The following RBP3 variants were observed in gnomAD, a reference collection of about 807,000 sequenced individuals.
RBP3 encodes retinol binding protein 3, also known as retinol-binding protein 3.
A neutral mutation model predicts 64.8 loss-of-function variants in RBP3; 50 were observed. The observed-to-expected ratio is 0.77, with a 90% CI of 0.61 to 0.98. The LOEUF is 0.98. Among genes scored for constraint, RBP3 ranks in the 50% least tolerant of loss-of-function variants. The pLI is 0.00. For missense variants in RBP3, 1,712 were observed against 1,660.5 expected (o/e 1.03, Z -0.54); for synonymous variants, 828 against 730.2 (o/e 1.13, Z -2.16).
In RBP3 at chr10:47,350,077, C is replaced by G; in HGVS notation, c.1593C>G (p.Tyr531Ter). Reference sequence around the variant, plus strand: ...ACATGGAGCTCCCGGGCCCACGCTACAGCACCCAACGTGGGGTGTATCTGC... The same window carrying G: ...ACATGGAGCTCCCGGGCCCACGCTAGAGCACCCAACGTGGGGTGTATCTGC... ...FSHMELPGPRYSTQRGVYLLT... is the reference protein window; with the variant it reads ...FSHMELPGPR Residue 531 changes from tyrosine (Y) to a stop codon, truncating the protein, a stop_gained, in exon 1 of 4, where the codon TAC (tyrosine) becomes TAG (stop). Transcript: ENST00000584701. LOFTEE classifies it high-confidence loss of function. The G allele has an allele frequency of 6.2e-7, 1 of 1,613,062 alleles. No homozygotes were observed. The highest frequency in any genetic ancestry group is 8.5e-7 in the Non-Finnish European group (1 of 1,180,000).
chr10:47,349,504 C>T lies in RBP3; in HGVS notation c.1020C>T (p.Tyr340=). 6.2e-7 allele frequency: 1 copy of T among 1,613,024 alleles called. No homozygotes were observed. The highest frequency in any genetic ancestry group is 8.5e-7 in the Non-Finnish European group (1 of 1,180,032). The change falls in exon 1 of 4, where the codon TAC becomes TAT. Residue 340 remains tyrosine (Y), a synonymous_variant. Transcript: ENST00000584701. ...GCCTCCAGGAGGTCCTGAAGGACTA[C>T]TACACGCTGGTGGACCGTGTGCCCA... ...VHCLQEVLKD[Y]YTLVDRVPTL... is the part of the protein sequence containing the mutation.
In RBP3 at chr10:47,357,506, A is replaced by C; in HGVS notation, c.*49A>C. On this transcript the variant is annotated 3_prime_UTR_variant, in exon 4 of 4. Transcript: ENST00000584701. ...CCAGGGCAGACAGAACCTCTGGGAC[A>C]CACACCAAGGGCACTCCTGCAGGTG... The C allele has an allele frequency of 6.5e-7, 1 of 1,531,694 alleles. No individual in the cohort carries two copies. The highest frequency in any genetic ancestry group is 8.9e-7 in the Non-Finnish European group (1 of 1,127,644). 94.9% of individuals were successfully genotyped at this position (1,531,694 alleles called of 1,614,324 possible).
intron 1 of RBP3, among the ~76,000 whole-genome samples, chr10:47,352,450 G>A (rs1396734842): frequency 2.6e-5 from 4 of 152,254 alleles, no homozygotes; most frequent in Admixed American, 2.6e-4. Flanking sequence ...GGGTGCAGCT[G>A]AAAGCAGAGG....
At chr10:47,353,679 C>A (rs1488857706) in intron 2 of RBP3, among the ~76,000 whole-genome samples, 164 bp downstream of exon 2, 6 of 152,214 alleles carry the variant, frequency 3.9e-5, no homozygotes, top group African/African-American at 1.4e-4. Flanking sequence ...GCTAGCCCAG[C>A]AGATCTGCTG....
chr10:47,355,310 C>G, intron 2 of RBP3, 66 bp from the exon 3 acceptor site: 2 of 1,606,928 alleles, frequency 1.2e-6, no homozygotes, highest in Non-Finnish European at 1.7e-6. Flanking sequence ...CCTGGCCTCC[C>G]CGAGGGGCAC....
Position 47,349,284 on chromosome 10 carries a change from G to A in RBP3, c.800G>A (p.Arg267Gln), listed in dbSNP as rs200239015. ...ACTGGGGGAGGGGCCCTGGACCTCC[G>A]GAAGCTGAGGATAGGCGAGTCTGAC... ...ERTGGGALDL[R>Q]KLRIGESDFF... The change falls in exon 1 of 4, where the codon CGG becomes CAG. Residue 267 changes from arginine to glutamine, a missense_variant. Physicochemically the swap from Arg to Gln is conservative, Grantham distance 43. Transcript: ENST00000584701. 3.8e-5 allele frequency: 61 copies of A among 1,612,908 alleles called. No homozygotes were observed. In the Middle Eastern group the frequency reaches 2.3e-3, roughly 61 times the overall value.
chr10:47,357,597 GGT>G lies in RBP3; in HGVS notation c.*145_*146del. ...GAGCTCTGGTTAGGTTACAGCTGGA[GGT>G]GTGTATATATACACACACACACATG... On this transcript the variant is annotated 3_prime_UTR_variant, in exon 4 of 4. Transcript: ENST00000584701. 4.6e-6 allele frequency: 3 copies of G among 648,052 alleles called. No individual in the cohort carries two copies. The South Asian group carries it at 5.7e-5, about 12-fold the overall frequency. The allele number at this position is 648,052 out of a possible 1,614,324, so 40.1% of individuals were successfully genotyped here. A position where few individuals can be genotyped will look rare whatever the true frequency, so the allele number is the denominator to read the frequency against.
chr10:47,352,072 A>T (rs1178122657), intron 1 of RBP3, among the ~76,000 whole-genome samples: 1 of 152,210 alleles, frequency 6.6e-6, no homozygotes, highest in Non-Finnish European at 1.5e-5. Flanking sequence ...CATCGTCACA[A>T]TTGGGCAGGG....
At chr10:47,352,857 C>T (rs1565767726) in intron 1 of RBP3, among the ~76,000 whole-genome samples, 1 of 152,188 alleles carries the variant, frequency 6.6e-6, no homozygotes, top group Non-Finnish European at 1.5e-5. Context: ...TCTCTCTGTG[C>T]TTCAGTTTTT....
At position 47,349,073 on chromosome 10, in the gene RBP3, G is replaced by A; in HGVS notation, c.589G>A (p.Asp197Asn). ...LHPGNTILHV[D>N]TIYNRPSNTT... is the part of the protein sequence containing the mutation. Reference sequence around the variant, plus strand: ...CCCAGGGAACACCATCCTGCACGTGGACACTATCTACAACCGCCCCTCCAA... The same window carrying A: ...CCCAGGGAACACCATCCTGCACGTGAACACTATCTACAACCGCCCCTCCAA... The change falls in exon 1 of 4, where the codon GAC becomes AAC. Residue 197 changes from aspartate to asparagine, a missense_variant. Transcript: ENST00000584701. 1 of 1,614,006 alleles carries A rather than the reference G, an allele frequency of 6.2e-7. No homozygotes were observed. The highest frequency in any genetic ancestry group is 8.5e-7 in the Non-Finnish European group (1 of 1,180,028).
At position 47,353,361 on chromosome 10, in the gene RBP3, T is replaced by C. The variant is rs1300784216; in HGVS notation, c.3091T>C (p.Phe1031Leu). 6.2e-6 allele frequency: 10 copies of C among 1,613,946 alleles called. No homozygotes were observed. The highest frequency in any genetic ancestry group is 5.3e-5 in the African/African-American group (4 of 74,906). ...TGAAGTATTTGAAGAGCTGATCAAG[T>C]TTTCCTTCCACACTAACGTGCTTGA... Reference protein sequence around the residue: ...SPEVFEELIKFSFHTNVLEDN... With the variant: ...SPEVFEELIKLSFHTNVLEDN... Residue 1031 changes from phenylalanine to leucine, a missense_variant, in exon 2 of 4, where the codon TTT (phenylalanine) becomes CTT (leucine). Coordinates refer to ENST00000584701, the MANE Select transcript of RBP3 (RefSeq NM_002900.3).
In RBP3 at chr10:47,349,749, G is replaced by A. The variant is rs781823270; in HGVS notation, c.1265G>A (p.Arg422Gln). 1.1e-5 allele frequency: 18 copies of A among 1,612,690 alleles called. No individual in the cohort carries two copies. The East Asian group carries it at 2.2e-4, about 20-fold the overall frequency. The change falls in exon 1 of 4, where the codon CGG becomes CAG. Residue 422 changes from arginine (R) to glutamine (Q), a missense_variant. Physicochemically the swap from Arg to Gln is conservative, Grantham distance 43 (BLOSUM62 1). Coordinates refer to ENST00000584701, the MANE Select transcript of RBP3 (RefSeq NM_002900.3). Reference protein sequence around the residue: ...APELPEDEAIRQALVDSVFQV... With the variant: ...APELPEDEAIQQALVDSVFQV... ...GAGTTGCCTGAGGACGAGGCTATCC[G>A]GCAAGCACTGGTGGACTCTGTGTTC...
In RBP3 at chr10:47,351,644, T is replaced by G. The variant is rs1281830013; in HGVS notation, c.3054+106T>G. The G allele has an allele frequency of 2.2e-5, 31 of 1,398,300 alleles. No homozygotes were observed. In the Admixed American group the frequency reaches 3.7e-4, roughly 17 times the overall value. 86.6% of individuals were successfully genotyped at this position (1,398,300 alleles called of 1,614,324 possible). A position where few individuals can be genotyped will look rare whatever the true frequency, so the allele number is the denominator to read the frequency against. ...CAGTGCGTGACAATGGCTTTTAGAT[T>G]TGTTCTCACGTTTAAGTTTTGACCG... On this transcript the variant is annotated intron_variant, in intron 1 of 3. Coordinates refer to ENST00000584701, the MANE Select transcript of RBP3 (RefSeq NM_002900.3).
Position 47,350,496 on chromosome 10 carries a change from G to C in RBP3, c.2012G>C (p.Gly671Ala). The change falls in exon 1 of 4, where the codon GGC becomes GCC. Residue 671 changes from glycine (G) to alanine (A), a missense_variant. Coordinates refer to ENST00000584701, the MANE Select transcript of RBP3 (RefSeq NM_002900.3). ...SALLRAKLAQ[G>A]AYRTAVDLES... ...CTCCTGCGGGCCAAGCTGGCCCAGG[G>C]CGCCTACCGCACAGCTGTGGACTTG... 6.2e-7 allele frequency: 1 copy of C among 1,612,770 alleles called. No homozygotes were observed. The highest frequency in any genetic ancestry group is 8.5e-7 in the Non-Finnish European group (1 of 1,180,030).
In RBP3 at chr10:47,348,917, A is replaced by G. The variant is rs200630565; in HGVS notation, c.433A>G (p.Ser145Gly). The G allele has an allele frequency of 1.2e-6, 2 of 1,613,652 alleles. No homozygotes were observed. ...VDSVPGQEVL[S>G]MMGEFLVAHV... is the part of the protein sequence containing the mutation. ...CAGCGTCCCGGGCCAGGAGGTGCTG[A>G]GCATGATGGGGGAGTTCCTGGTGGC... The change falls in exon 1 of 4, where the codon AGC becomes GGC. Residue 145 changes from serine (S) to glycine (G), a missense_variant. Transcript: ENST00000584701.
chr10:47,349,025 C>A lies in RBP3; in HGVS notation c.541C>A (p.Pro181Thr), dbSNP rs1249899161. Residue 181 changes from proline to threonine, a missense_variant, in exon 1 of 4, where the codon CCC (proline) becomes ACC (threonine). Physicochemically the swap from Pro to Thr is conservative, Grantham distance 38 (BLOSUM62 -1). Coordinates refer to ENST00000584701, the MANE Select transcript of RBP3 (RefSeq NM_002900.3). ...HCTGGQVSGI[P>T]YIISYLHPGN... is the part of the protein sequence containing the mutation. The stretch of plus-strand genomic sequence containing the variant: ...CACAGGAGGCCAGGTCTCTGGCATT[C>A]CCTACATCATCTCCTACCTGCACCC... 6.2e-7 allele frequency: 1 copy of A among 1,614,040 alleles called. No individual in the cohort carries two copies. The highest frequency in any genetic ancestry group is 1.7e-5 in the Admixed American group (1 of 60,024).
chr10:47,349,419 C>G lies in RBP3; in HGVS notation c.935C>G (p.Ala312Gly). The G allele has an allele frequency of 1.2e-6, 2 of 1,611,958 alleles. No homozygotes were observed. Among genetic ancestry groups the G allele is most frequent in the Non-Finnish European group, 1.7e-6 (2 of 1,179,992 alleles). ...LPCVGTPAEQ[A>G]LEKALAILTL... ...TGTGTGGGGACTCCGGCCGAGCAGG[C>G]CCTGGAGAAAGCCCTGGCCATCCTC... The change falls in exon 1 of 4, where the codon GCC (alanine) becomes GGC (glycine). Residue 312 changes from alanine (A) to glycine (G), a missense_variant. Physicochemically the swap from Ala to Gly is moderately conservative, Grantham distance 60. Transcript: ENST00000584701.
chr10:47,349,958 C>T lies in RBP3; in HGVS notation c.1474C>T (p.Leu492Phe), dbSNP rs1836933572. The T allele has an allele frequency of 6.2e-7, 1 of 1,612,726 alleles. No individual in the cohort carries two copies. The highest frequency in any genetic ancestry group is 1.1e-5 in the South Asian group (1 of 91,062). ...AGGGCCATCCTCTGCTGTGCCCCTG[C>T]TCCTGTCCTACTTCCAGGGCCCTGA... ...PGGPSSAVPL[L>F]LSYFQGPEAG... The change falls in exon 1 of 4, where the codon CTC becomes TTC. Residue 492 changes from leucine (L) to phenylalanine (F), a missense_variant. Physicochemically the swap from Leu to Phe is conservative, Grantham distance 22. Transcript: ENST00000584701.
rs781791441 is a variant in RBP3 at position 47,349,520 on chromosome 10, C to G, written c.1036C>G (p.Arg346Gly). Reference protein sequence around the residue: ...VLKDYYTLVDRVPTLLQHLAS... With the variant: ...VLKDYYTLVDGVPTLLQHLAS... ...GAAGGACTACTACACGCTGGTGGAC[C>G]GTGTGCCCACCCTGCTGCAGCACTT... Residue 346 changes from arginine (R) to glycine (G), a missense_variant, in exon 1 of 4, where the codon CGT becomes GGT. Coordinates refer to ENST00000584701, the MANE Select transcript of RBP3 (RefSeq NM_002900.3). 10 of 1,613,008 alleles carry G rather than the reference C, an allele frequency of 6.2e-6. No homozygotes were observed. The highest frequency in any genetic ancestry group is 2.2e-5 in the East Asian group (1 of 44,874).
Sources: gnomAD v4.1 joint callset for allele counts (sites outside exome capture counted in the v4.1 genomes callset) on GRCh38, gnomAD v4.1.1 for gene constraint, MANE v1.5 for transcripts, NCBI Gene and HGNC (gene_info 2026-07-23, HGNC 2026-07-21) for gene names.